Variants in PIP4K2A observed in about 807,000 individuals in gnomAD.
PIP4K2A encodes phosphatidylinositol-5-phosphate 4-kinase type 2 alpha.
In PIP4K2A, 14 loss-of-function variants were observed where a neutral mutation model predicts 42.9. The ratio of observed to expected loss-of-function variants is 0.33; its 90% confidence interval spans 0.22 to 0.51. The LOEUF is 0.51. Among genes scored for constraint, PIP4K2A ranks in the 20% least tolerant of loss-of-function variants. The pLI, the probability that PIP4K2A is intolerant of heterozygous loss-of-function variation, is 0.97. For missense variants in PIP4K2A, 434 were observed against 519.8 expected, an observed-to-expected ratio of 0.83 and a Z score of 1.61; for synonymous variants, 192 against 192.2, an observed-to-expected ratio of 1.00 and a Z score of 0.01.
At chr10:22,694,841 C>G (rs1027433013) in intron 1 of PIP4K2A, among the ~76,000 whole-genome samples, 2 of 152,064 alleles carry the variant, frequency 1.3e-5, no homozygotes, top group African/African-American at 4.8e-5. Context: ...ATTTTCAACC[C>G]TCTTTATCCT....
intron 7 of PIP4K2A, among the ~76,000 whole-genome samples, chr10:22,547,653 T>A (rs190895610): frequency 7.2e-5 from 11 of 152,172 alleles, no homozygotes; most frequent in Non-Finnish European, 1.2e-4. Context: ...TGTGAGGGGG[T>A]ACTCCTGGAT....
intron 8 of PIP4K2A, among the ~76,000 whole-genome samples, chr10:22,540,815 A>T (rs566809395): frequency 7.5e-4 from 115 of 152,324 alleles, no homozygotes; most frequent in Non-Finnish European, 1.3e-3. Flanking sequence ...GCGGCCTCCC[A>T]AAGTGCTGGG....
chr10:22,701,912 G>A (rs772336671), intron 1 of PIP4K2A, among the ~76,000 whole-genome samples: 4 of 152,138 alleles, frequency 2.6e-5, no homozygotes, highest in Non-Finnish European at 5.9e-5. Flanking sequence ...CCCACCCAAG[G>A]TGTGAAGTCT....
intron 1 of PIP4K2A, among the ~76,000 whole-genome samples, chr10:22,713,300 G>C (rs1833944340): frequency 6.6e-6 from 1 of 152,146 alleles, no homozygotes. Context: ...ACCTTTCCAC[G>C]CGTTCTCCAG....
chr10:22,538,720 C>A (rs958668262), intron 9 of PIP4K2A, among the ~76,000 whole-genome samples: 4 of 152,150 alleles, frequency 2.6e-5, no homozygotes, highest in Middle Eastern at 3.4e-3. Context: ...GCACCTGGTG[C>A]GGATGTTTGT....
chr10:22,711,451 C>T (rs905734067), intron 1 of PIP4K2A, among the ~76,000 whole-genome samples: 2 of 152,200 alleles, frequency 1.3e-5, no homozygotes, highest in Non-Finnish European at 2.9e-5. Flanking sequence ...AGTAAGACAA[C>T]TTTTATATAG....
chr10:22,659,875 G>A (rs1310084964), intron 1 of PIP4K2A: 2 of 152,114 alleles, frequency 1.3e-5, no homozygotes, highest in Non-Finnish European at 2.9e-5. Context: ...TAGCCTAAAG[G>A]GCAGGTCTAT....
intron 1 of PIP4K2A, among the ~76,000 whole-genome samples, chr10:22,645,670 A>G (rs898153649): frequency 4.6e-5 from 7 of 151,726 alleles, no homozygotes; most frequent in African/African-American, 1.2e-4. Flanking sequence ...CTTGAAAAAC[A>G]TGAAGATAGT....
At chr10:22,540,730 T>G (rs1836082950) in intron 8 of PIP4K2A, among the ~76,000 whole-genome samples, 1 of 152,134 alleles carries the variant, frequency 6.6e-6, no homozygotes. Flanking sequence ...TAATTTCATA[T>G]TTTTAGTAGA....
intron 1 of PIP4K2A, 97 bp from the exon 2 acceptor site, chr10:22,609,814 C>G: frequency 1.4e-6 from 1 of 693,268 alleles, no homozygotes; most frequent in South Asian, 1.8e-5. Context: ...ATGGTGGACA[C>G]AGGAACTTCT....
At chr10:22,644,268 T>C (rs1338787571) in intron 1 of PIP4K2A, among the ~76,000 whole-genome samples, 3 of 152,072 alleles carry the variant, frequency 2.0e-5, no homozygotes, top group Non-Finnish European at 4.4e-5. Context: ...AGCAAATCTG[T>C]GGGCTCTTTA....
intron 1 of PIP4K2A, among the ~76,000 whole-genome samples, chr10:22,636,870 C>G (rs1838677465): frequency 1.3e-5 from 2 of 152,208 alleles, no homozygotes; most frequent in Non-Finnish European, 2.9e-5. Context: ...ACAAGCCTGA[C>G]AAGCACTGAG....
chr10:22,543,668 G>A (rs906099498), intron 7 of PIP4K2A, among the ~76,000 whole-genome samples: 2 of 152,156 alleles, frequency 1.3e-5, no homozygotes, highest in Non-Finnish European at 2.9e-5. Context: ...CTAGAATCTC[G>A]GCAGCTGCCA....
chr10:22,664,228 TACACACACACACACACACAC>T (rs370820884), intron 1 of PIP4K2A, among the ~76,000 whole-genome samples: 2 of 89,886 alleles, frequency 2.2e-5, no homozygotes, highest in South Asian at 3.0e-4. Context: ...CATATATATA[TACACACACACACACACACAC>T]ACATATATAT....
chr10:22,603,859 A>C (rs767223499), intron 3 of PIP4K2A, among the ~76,000 whole-genome samples: 2 of 152,222 alleles, frequency 1.3e-5, no homozygotes, highest in Non-Finnish European at 2.9e-5. Flanking sequence ...CATGCTGGCC[A>C]AACAATGATC....
chr10:22,611,494 A>T (rs1000896809), intron 1 of PIP4K2A, among the ~76,000 whole-genome samples: 6 of 152,204 alleles, frequency 3.9e-5, no homozygotes, highest in Non-Finnish European at 7.3e-5. Context: ...GATACGCTGT[A>T]GTTAAACTAA....
Position 22,704,651 on chromosome 10 carries a change from GAAAAA to G in PIP4K2A, c.144+9527_144+9531del, listed in dbSNP as rs113174364. Among the ~76,000 whole-genome samples, 6 of 64,196 alleles carry G rather than the reference GAAAAA, an allele frequency of 9.3e-5. No individual in the cohort carries two copies. In the Admixed American group the frequency reaches 1.1e-3, roughly 12 times the overall value. The allele number at this position is 64,196 out of a possible 152,430, so 42.1% of individuals were successfully genotyped here. Reference sequence around the variant, plus strand: ...CAGGCCAAAAAGCAAGACCTCATCTGAAAAAAAAAAAAAAAAAAAAGGAACAGAAA... The same window carrying G: ...CAGGCCAAAAAGCAAGACCTCATCTGAAAAAAAAAAAAAAAGGAACAGAAA... On this transcript the variant is annotated intron_variant, in intron 1 of 9. Transcript: ENST00000376573.
chr10:22,615,255 A>G (rs1166725009), intron 1 of PIP4K2A, among the ~76,000 whole-genome samples: 1 of 152,158 alleles, frequency 6.6e-6, no homozygotes, highest in South Asian at 2.1e-4. Flanking sequence ...ACAGGCGCAC[A>G]CCACCATGCA....
intron 1 of PIP4K2A, among the ~76,000 whole-genome samples, chr10:22,668,790 A>C (rs1839396747): frequency 6.6e-6 from 1 of 152,182 alleles, no homozygotes; most frequent in Admixed American, 6.5e-5. Context: ...CACGAATGGG[A>C]ATTTATATAA....
Sources: gnomAD v4.1 joint callset for allele counts (sites outside exome capture counted in the v4.1 genomes callset) on GRCh38, gnomAD v4.1.1 for gene constraint, MANE v1.5 for transcripts, NCBI Gene and HGNC (gene_info 2026-07-23, HGNC 2026-07-21) for gene names.